The following APEH variants were observed in gnomAD, a reference collection of about 807,000 sequenced individuals.
The protein encoded by APEH is acylaminoacyl-peptide hydrolase.
A neutral mutation model predicts 102.7 loss-of-function variants in APEH; 75 were observed. The observed-to-expected ratio is 0.73, with a 90% CI of 0.61 to 0.89. The LOEUF (loss-of-function observed/expected upper bound fraction) is 0.89, where lower values mean the gene tolerates loss of function less well. APEH is among the 40% of genes least tolerant of loss of function. The pLI, the probability that APEH is intolerant of heterozygous loss-of-function variation, is 0.00. For synonymous variants in APEH, 344 were observed against 362.7 expected (o/e 0.95, Z 0.59); for missense variants, 863 against 941.2 (o/e 0.92, Z 1.09).
At chr3:49,676,340 T>C in intron 6 of APEH, 38 bp from the exon 7 acceptor site, 3 of 1,613,888 alleles carry the variant, frequency 1.9e-6, no homozygotes, top group Non-Finnish European at 2.5e-6. Context: ...GAGCAGGTCC[T>C]ATAGACAGGC....
chr3:49,676,038 G>C lies in APEH; in HGVS notation c.443-18G>C. Reference sequence around the variant, plus strand: ...CCGTAGCCCTGGGCCCCCCCTGATTGGCCCTCCCTGCACCCAGACTGCTTT... The same window carrying C: ...CCGTAGCCCTGGGCCCCCCCTGATTCGCCCTCCCTGCACCCAGACTGCTTT... On this transcript the variant is annotated intron_variant, in intron 5 of 21. Transcript: ENST00000296456. 1 of 1,614,170 alleles carries C rather than the reference G, an allele frequency of 6.2e-7. No homozygotes were observed. Among genetic ancestry groups the C allele is most frequent in the Non-Finnish European group, 8.5e-7 (1 of 1,180,002 alleles).
chr3:49,674,238 G>A (rs1157309939), upstream of APEH: 3 of 904,096 alleles, frequency 3.3e-6, no homozygotes, highest in South Asian at 1.8e-5. Flanking sequence ...GTCAAGGCCC[G>A]CCCCCTGCCA....
In APEH at chr3:49,682,406, T is replaced by C; in HGVS notation, c.1662T>C (p.Asn554=). The C allele has an allele frequency of 1.2e-6, 2 of 1,614,040 alleles. No individual in the cohort carries two copies. The highest frequency in any genetic ancestry group is 1.7e-6 in the Non-Finnish European group (2 of 1,179,968). The change falls in exon 18 of 22, where the codon AAT becomes AAC. Residue 554 remains asparagine (N), a synonymous_variant. Coordinates refer to ENST00000296456, the MANE Select transcript of APEH (RefSeq NM_001640.4). ...ACAGCATCCTCTCCCTCCCAGGCAA[T>C]GTGGGCCACCAGGATGTGAAGGATG... ...GQDSILSLPG[N]VGHQDVKDVQ...
chr3:49,674,408 C>A lies in APEH; in HGVS notation c.7C>A (p.Arg3Ser). ...CGGCGGCAGAGAGGAGACTATGGAA[C>A]GTCAGGTGAGGGCTCGGCCCGCGGT... is the stretch of plus-strand genomic sequence containing the variant. MERQVLLSEPEEA... is the reference protein window; with the variant it reads MESQVLLSEPEEA... Residue 3 changes from arginine (R) to serine (S), a missense_variant, in exon 1 of 22, where the codon CGT (arginine) becomes AGT (serine). Arg to Ser is a moderately radical substitution (Grantham distance 110). Transcript: ENST00000296456. 1.9e-6 allele frequency: 3 copies of A among 1,576,676 alleles called. No homozygotes were observed. Among genetic ancestry groups the A allele is most frequent in the Non-Finnish European group, 2.6e-6 (3 of 1,167,478 alleles).
At position 49,682,588 on chromosome 3, in the gene APEH, A is replaced by C; in HGVS notation, c.1735A>C (p.Ser579Arg). The C allele has an allele frequency of 6.2e-7, 1 of 1,614,146 alleles. No individual in the cohort carries two copies. The highest frequency in any genetic ancestry group is 1.1e-5 in the South Asian group (1 of 91,084). The change falls in exon 19 of 22, where the codon AGC becomes CGC. Residue 579 changes from serine (S) to arginine (R), a missense_variant. Physicochemically the swap from Ser to Arg is moderately radical, Grantham distance 110. Transcript: ENST00000296456. ...GCTCCAGGAGGAACACTTTGATGCAAGCCATGTGGCCCTTATGGGTGGTTC... is the reference window on the plus strand; with the variant it reads ...GCTCCAGGAGGAACACTTTGATGCACGCCATGTGGCCCTTATGGGTGGTTC... Reference protein sequence around the residue: ...QVLQEEHFDASHVALMGGSHG... With the variant: ...QVLQEEHFDARHVALMGGSHG...
At chr3:49,676,259 C>T in intron 6 of APEH, 40 bp downstream of exon 6, 1 of 1,611,794 alleles carries the variant, frequency 6.2e-7, no homozygotes. Context: ...CAGGGCAGCC[C>T]TGGGGCTCAG....
At chr3:49,675,097 C>T (rs1575463748) in intron 2 of APEH, 86 bp from the exon 3 acceptor site, 3 of 1,560,994 alleles carry the variant, frequency 1.9e-6, no homozygotes, top group Non-Finnish European at 2.6e-6. Flanking sequence ...GAAGATAGAT[C>T]TAGGCCTTCC....
At chr3:49,677,755 G>A in intron 11 of APEH, 122 bp downstream of exon 11, 1 of 983,526 alleles carries the variant, frequency 1.0e-6, no homozygotes, top group South Asian at 1.3e-5. Context: ...CTCCCTGCTG[G>A]GCCAGCCTTA....
At chr3:49,678,676 C>T (rs1374326648) in intron 11 of APEH, among the ~76,000 whole-genome samples, 176 bp from the exon 12 acceptor site, 1 of 152,182 alleles carries the variant, frequency 6.6e-6, no homozygotes, top group Non-Finnish European at 1.5e-5. Flanking sequence ...CCCTCAGCCA[C>T]CTACTCAGGC....
In APEH at chr3:49,682,717, T is replaced by G. The variant is rs767451943; in HGVS notation, c.1864T>G (p.Ser622Ala). 3 of 1,613,886 alleles carry G rather than the reference T, an allele frequency of 1.9e-6. No individual in the cohort carries two copies. The South Asian group carries it at 3.3e-5, about 18-fold the overall frequency. The change falls in exon 19 of 22, where the codon TCC becomes GCC. Residue 622 changes from serine (S) to alanine (A), a missense_variant. Transcript: ENST00000296456. ...PVINIASMLG[S>A]TDIPDWCVVE... ...GATCAACATCGCCTCCATGTTGGGCTCCACTGACATCCCTGACTGGTAGGC... is the reference window on the plus strand; with the variant it reads ...GATCAACATCGCCTCCATGTTGGGCGCCACTGACATCCCTGACTGGTAGGC...
upstream of APEH, chr3:49,674,320 G>A (rs1296705831): frequency 6.7e-7 from 1 of 1,498,442 alleles, no homozygotes; most frequent in Non-Finnish European, 8.9e-7. Flanking sequence ...AGACAGCCCG[G>A]GCCGTCCCAG....
Position 49,682,632 on chromosome 3 carries a change from C to T in APEH, c.1779C>T (p.Ser593=), listed in dbSNP as rs369676477. The change falls in exon 19 of 22, where the codon TCC becomes TCT. Residue 593 remains serine, a synonymous_variant. Coordinates refer to ENST00000296456, the MANE Select transcript of APEH (RefSeq NM_001640.4). Reference sequence around the variant, plus strand: ...GTGGTTCCCATGGTGGCTTCATTTCCTGCCACTTGATTGGTCAGTACCCAG... The same window carrying T: ...GTGGTTCCCATGGTGGCTTCATTTCTTGCCACTTGATTGGTCAGTACCCAG... ...LMGGSHGGFI[S]CHLIGQYPET... The T allele has an allele frequency of 1.9e-6, 3 of 1,613,982 alleles. No individual in the cohort carries two copies. The African/African-American group carries it at 4.0e-5, about 22-fold the overall frequency.
chr3:49,676,489 G>A lies in APEH; in HGVS notation c.718G>A (p.Val240Ile). The change falls in exon 7 of 22, where the codon GTC (valine) becomes ATC (isoleucine). Residue 240 changes from valine (V) to isoleucine (I), a missense_variant. Physicochemically the swap from Val to Ile is conservative, Grantham distance 29 (BLOSUM62 3). Transcript: ENST00000296456. ...TGGCAACATCTCTGTGCTTGAGGGG[G>A]TCCCTGAGAATGTGTCCCCTGGACA... Reference protein sequence around the residue: ...ESGNISVLEGVPENVSPGQAF... With the variant: ...ESGNISVLEGIPENVSPGQAF... 1 of 1,614,264 alleles carries A rather than the reference G, an allele frequency of 6.2e-7. No individual in the cohort carries two copies. Among genetic ancestry groups the A allele is most frequent in the Non-Finnish European group, 8.5e-7 (1 of 1,180,040 alleles).
In APEH at chr3:49,679,615, A is replaced by T; in HGVS notation, c.1181A>T (p.Gln394Leu). The T allele has an allele frequency of 1.2e-6, 2 of 1,613,894 alleles. No homozygotes were observed. The highest frequency in any genetic ancestry group is 1.7e-6 in the Non-Finnish European group (2 of 1,179,834). ...SRQDLFAVDT[Q>L]VGTVTSLTAG... ...CAGGACCTGTTTGCTGTGGACACCC[A>T]AGTGGGCACTGTGACCTCCCTCACA... The change falls in exon 13 of 22, where the codon CAA (glutamine) becomes CTA (leucine). Residue 394 changes from glutamine to leucine, a missense_variant. Transcript: ENST00000296456. The surrounding 1 kb of genome is among the most constrained non-coding windows in gnomAD (Gnocchi z 4.3).
intron 13 of APEH, 189 bp from the exon 14 acceptor site, chr3:49,680,352 A>T: frequency 1.7e-6 from 1 of 576,658 alleles, no homozygotes. Flanking sequence ...AGTGTCTGTC[A>T]GATGAACAAC....
At position 49,679,853 on chromosome 3, in the gene APEH, A is replaced by G. The variant is rs986525424; in HGVS notation, c.1210+209A>G. 1.7e-5 allele frequency: 9 copies of G among 543,600 alleles called. No individual in the cohort carries two copies. The highest frequency in any genetic ancestry group is 1.5e-4 in the African/African-American group (8 of 52,664). 33.7% of individuals were successfully genotyped at this position (543,600 alleles called of 1,614,324 possible). A position where few individuals can be genotyped will look rare whatever the true frequency, so the allele number is the denominator to read the frequency against. ...ACCAACAGACTAGCTTCCCTGCTCT[A>G]CTGCCCTTTAGCACTCAACTCTGTT... On this transcript the variant is annotated intron_variant, in intron 13 of 21. Coordinates refer to ENST00000296456, the MANE Select transcript of APEH (RefSeq NM_001640.4). The surrounding 1 kb of genome is among the most constrained non-coding windows in gnomAD (Gnocchi z 4.3).
At position 49,681,890 on chromosome 3, in the gene APEH, G is replaced by A. The variant is rs1387131444; in HGVS notation, c.1526G>A (p.Gly509Glu). Reference sequence around the variant, plus strand: ...ACCCTCCGCTCCCTGTCTGCAGGGGGGCCCCATTCATCCTTTGTCACTGCC... The same window carrying A: ...ACCCTCCGCTCCCTGTCTGCAGGGGAGCCCCATTCATCCTTTGTCACTGCC... ...QVPMVVMPHGGPHSSFVTAWM... is the reference protein window; with the variant it reads ...QVPMVVMPHGEPHSSFVTAWM... Residue 509 changes from glycine to glutamate, a missense_variant, in exon 17 of 22, where the codon GGG (glycine) becomes GAG (glutamate). Transcript: ENST00000296456. 1 of 1,614,010 alleles carries A rather than the reference G, an allele frequency of 6.2e-7. No homozygotes were observed. The highest frequency in any genetic ancestry group is 2.2e-5 in the East Asian group (1 of 44,894).
At chr3:49,674,178 C>G (rs569262887), upstream of APEH, 6 of 594,868 alleles carry the variant, frequency 1.0e-5, no homozygotes, top group South Asian at 2.1e-5. Flanking sequence ...GGCGAGACCC[C>G]TGCTCTCACC....
In APEH at chr3:49,681,787, A is replaced by G; in HGVS notation, c.1504A>G (p.Met502Val). ...CCCTCCAGATAAGACCCAAGTGCCC[A>G]TGGTGGTCATGCCCCACGGTAGGCA... ...GSPPDKTQVPMVVMPHGGPHS... is the reference protein window; with the variant it reads ...GSPPDKTQVPVVVMPHGGPHS... Residue 502 changes from methionine to valine, a missense_variant, in exon 16 of 22, where the codon ATG (methionine) becomes GTG (valine). Transcript: ENST00000296456. 2 of 1,611,628 alleles carry G rather than the reference A, an allele frequency of 1.2e-6. No homozygotes were observed. Among genetic ancestry groups the G allele is most frequent in the Non-Finnish European group, 1.7e-6 (2 of 1,178,360 alleles).
Sources: allele counts gnomAD v4.1 joint callset (sites outside exome capture counted in the v4.1 genomes callset), GRCh38; gene constraint gnomAD v4.1.1; non-coding constraint Gnocchi (gnomAD v3.1); transcripts MANE v1.5; gene names NCBI Gene and HGNC (gene_info 2026-07-23, HGNC 2026-07-21).